ZNF534: variants seen among roughly 807,000 people sequenced by gnomAD.
ZNF534 encodes the protein zinc finger protein 534.
ZNF534 carries 19 observed loss-of-function variants against 13.6 expected under a neutral mutation model. The ratio of observed to expected loss-of-function variants is 1.40; its 90% CI spans 0.97 to 2.05. ZNF534 has a LOEUF of 2.05. Ranked by LOEUF, ZNF534 falls within the 30% of genes most tolerant of loss-of-function variation. The pLI is 0.00. For missense variants in ZNF534, 782 were observed against 796.3 expected, an observed-to-expected ratio of 0.98 and a Z score of 0.22; for synonymous variants, 244 against 273.8, an observed-to-expected ratio of 0.89 and a Z score of 1.07.
chr19:52,432,480 C>T (rs1024418565), intron 2 of ZNF534, among the ~76,000 whole-genome samples: 2 of 152,082 alleles, frequency 1.3e-5, no homozygotes, highest in Non-Finnish European at 2.9e-5. Context: ...AAGATAGGAG[C>T]AGATTATTCT....
At chr19:52,445,839 A>G (rs2059192642), downstream of ZNF534, among the ~76,000 whole-genome samples, 2 of 152,110 alleles carry the variant, frequency 1.3e-5, no homozygotes. Context: ...CTCTGAAAAC[A>G]AGAATTTTTC....
rs1239349858 is a variant in ZNF534 at position 52,442,487 on chromosome 19, G to A, written c.*3041G>A. Among the ~76,000 whole-genome samples, 2 of 152,172 alleles carry A rather than the reference G, an allele frequency of 1.3e-5. No individual in the cohort carries two copies. Among genetic ancestry groups the A allele is most frequent in the Non-Finnish European group, 2.9e-5 (2 of 68,044 alleles). The stretch of plus-strand genomic sequence containing the variant: ...ACTGGCTTGCTCTCAATAAATATGT[G>A]GGTCAAACTCTGTTCATGGCTCTCA... On this transcript the variant is annotated 3_prime_UTR_variant, in exon 5 of 5. Transcript: ENST00000433050.
intron 4 of ZNF534, among the ~76,000 whole-genome samples, chr19:52,450,694 TTTG>T (rs775887521): frequency 0.023 from 791 of 33,958 alleles, 170 homozygotes; most frequent in African/African-American, 0.051. Flanking sequence ...TGTTTTTGTT[TTTG>T]TTTTTTTTTT....
At chr19:52,429,923 A>G (rs929817938) in intron 1 of ZNF534, among the ~76,000 whole-genome samples, 58 of 150,242 alleles carry the variant, frequency 3.9e-4, no homozygotes, top group African/African-American at 1.3e-3. Flanking sequence ...ATCCACTTTT[A>G]TGGTATCTCA....
At position 52,440,776 on chromosome 19, in the gene ZNF534, C is replaced by T. The variant is rs2059167030; in HGVS notation, c.*1330C>T. On this transcript the variant is annotated 3_prime_UTR_variant, in exon 5 of 5. Transcript: ENST00000433050. ...AGCCTGTGTGACAGTGAGATTCTGT[C>T]TCAAAAAAAAAAAAAAGAATTCATA... 2.6e-5 allele frequency among the ~76,000 whole-genome samples: 1 copy of T among 38,530 alleles called. No homozygotes were observed. The highest frequency in any genetic ancestry group is 7.9e-5 in the Non-Finnish European group (1 of 12,608). 25.3% of individuals were successfully genotyped at this position (38,530 alleles called of 152,430 possible). A position where few individuals can be genotyped will look rare whatever the true frequency, so the allele number is the denominator to read the frequency against.
At chr19:52,443,864 T>C (rs577904575), downstream of ZNF534, among the ~76,000 whole-genome samples, 40 of 152,158 alleles carry the variant, frequency 2.6e-4, no homozygotes, top group South Asian at 5.8e-3. Context: ...AGTGCATCCA[T>C]TGTTTCCTGA....
Position 52,440,814 on chromosome 19 carries a change from G to A in ZNF534, c.*1368G>A, listed in dbSNP as rs1444202860. 1.3e-5 allele frequency among the ~76,000 whole-genome samples: 2 copies of A among 150,778 alleles called. No homozygotes were observed. The highest frequency in any genetic ancestry group is 2.1e-4 in the South Asian group (1 of 4,800). ...AAAAGAATTCATACTGGAAGGAAGC[G>A]TTACAAATGTAATGAATGCGGCAGA... On this transcript the variant is annotated 3_prime_UTR_variant, in exon 5 of 5. Coordinates refer to ENST00000433050, the MANE Select transcript of ZNF534 (RefSeq NM_001143938.3).
rs1245223392 is a variant in ZNF534, at chr19:52,438,014, C to A, written c.554C>A (p.Pro185His). 6.2e-7 allele frequency: 1 copy of A among 1,614,072 alleles called. No homozygotes were observed. The highest frequency in any genetic ancestry group is 1.1e-5 in the South Asian group (1 of 91,076). The change falls in exon 5 of 5, where the codon CCT (proline) becomes CAT (histidine). Residue 185 changes from proline to histidine, a missense_variant. Coordinates refer to ENST00000433050, the MANE Select transcript of ZNF534 (RefSeq NM_001143938.3). ...CAGAAAGTACACATTAGGGAAAAGC[C>A]TTATGGATGTAATGAGCATGGGAAA... ...QEQKVHIREK[P>H]YGCNEHGKVF...
chr19:52,433,375 G>A (rs949528613), intron 2 of ZNF534, among the ~76,000 whole-genome samples: 13 of 104,262 alleles, frequency 1.2e-4, no homozygotes, highest in Non-Finnish European at 8.4e-5. Context: ...TCTCTTTTTG[G>A]GGGGGGGAGG....
In ZNF534 at chr19:52,451,400, T is replaced by G. The variant is rs558854457; in HGVS notation, c.485T>G (p.Leu162Arg). The G allele has an allele frequency of 7.6e-4, 588 of 773,406 alleles. 9 individuals are homozygous for G. In the South Asian group the frequency reaches 8.4e-3, roughly 11 times the overall value. 47.9% of individuals were successfully genotyped at this position (773,406 alleles called of 1,614,324 possible). Residue 162 changes from leucine (L) to arginine (R), a missense_variant, in exon 5 of 5, where the codon CTC (leucine) becomes CGC (arginine). By Grantham distance (102) the Leu-to-Arg change is moderately radical. Transcript: ENST00000301085. The stretch of plus-strand genomic sequence containing the variant: ...GCAGAGGGCCGAGGCCACGGGACTC[T>G]CAGGGCCGGGCCCGCCCCTCGGCCG...
chr19:52,438,912 T>C lies in ZNF534; in HGVS notation c.1452T>C (p.His484=), dbSNP rs573300872. ...VFSQNSNLQR[H]RKIHTGEKLY... is the part of the protein sequence containing the mutation. ...GTCAGAATTCAAACCTTCAACGACATAGGAAAATTCATACTGGAGAGAAGC... is the reference window on the plus strand; with the variant it reads ...GTCAGAATTCAAACCTTCAACGACACAGGAAAATTCATACTGGAGAGAAGC... Residue 484 remains histidine, a synonymous_variant, in exon 5 of 5, where the codon CAT becomes CAC. Coordinates refer to ENST00000433050, the MANE Select transcript of ZNF534 (RefSeq NM_001143938.3). 63 of 1,589,064 alleles carry C rather than the reference T, an allele frequency of 4.0e-5. No homozygotes were observed. The highest frequency in any genetic ancestry group is 7.9e-5 in the South Asian group (7 of 88,836).
chr19:52,435,584 G>C (rs1198908304), intron 4 of ZNF534, among the ~76,000 whole-genome samples: 1 of 151,080 alleles, frequency 6.6e-6, no homozygotes, highest in Non-Finnish European at 1.5e-5. Flanking sequence ...GCTGGCTGCA[G>C]CCTCACCTTC....
chr19:52,437,912 G>T lies in ZNF534; in HGVS notation c.452G>T (p.Ser151Ile). 6.2e-7 allele frequency: 1 copy of T among 1,612,916 alleles called. No homozygotes were observed. The highest frequency in any genetic ancestry group is 8.5e-7 in the Non-Finnish European group (1 of 1,179,466). The change falls in exon 5 of 5, where the codon AGT (serine) becomes ATT (isoleucine). Residue 151 changes from serine to isoleucine, a missense_variant. Transcript: ENST00000433050. Reference sequence around the variant, plus strand: ...TCTTCAGTTTCACCAGTTCAAATAAGTTTTTTCAGTGTCAAAACCCATATT... The same window carrying T: ...TCTTCAGTTTCACCAGTTCAAATAATTTTTTTCAGTGTCAAAACCCATATT... ...DNSSVSPVQI[S>I]FFSVKTHIFN...
chr19:52,436,103 A>AT (rs1324479831), intron 4 of ZNF534, among the ~76,000 whole-genome samples: 1 of 150,486 alleles, frequency 6.6e-6, no homozygotes, highest in Non-Finnish European at 1.5e-5. Context: ...TGCCTGGCTA[A>AT]TTTTTTTTGT....
At chr19:52,442,538 T>G (rs970076452), downstream of ZNF534, among the ~76,000 whole-genome samples, 2 of 152,214 alleles carry the variant, frequency 1.3e-5, no homozygotes, top group African/African-American at 2.4e-5. Flanking sequence ...AGTCCCCTGA[T>G]TTTCCACTCC....
exon 5 of ZNF534, chr19:52,451,845 T>A: frequency 1.3e-6 from 1 of 781,524 alleles, no homozygotes; most frequent in South Asian, 1.4e-5. Flanking sequence ...GCACAGCTCA[T>A]TTGTGAACGG....
intron 4 of ZNF534, among the ~76,000 whole-genome samples, chr19:52,436,341 CAA>C (rs1392700176): frequency 2.0e-5 from 3 of 152,144 alleles, no homozygotes; most frequent in African/African-American, 4.8e-5. Context: ...TATTATATGT[CAA>C]GTCTCTTTTT....
At chr19:52,435,499 T>C (rs2059123084) in intron 4 of ZNF534, among the ~76,000 whole-genome samples, 1 of 152,066 alleles carries the variant, frequency 6.6e-6, no homozygotes, top group Non-Finnish European at 1.5e-5. Flanking sequence ...ACAGACATTT[T>C]TCATTTTCTT....
At position 52,438,269 on chromosome 19, in the gene ZNF534, A is replaced by T; in HGVS notation, c.809A>T (p.Tyr270Phe). Residue 270 changes from tyrosine to phenylalanine, a missense_variant, in exon 5 of 5, where the codon TAC becomes TTC. Physicochemically the swap from Tyr to Phe is conservative, Grantham distance 22. Coordinates refer to ENST00000433050, the MANE Select transcript of ZNF534 (RefSeq NM_001143938.3). ...AAAATTCATACTGGACAGAAACCTT[A>T]CAATAACAAAGAATGTGGGAAAGTC... Reference protein sequence around the residue: ...HQKIHTGQKPYNNKECGKVFS... With the variant: ...HQKIHTGQKPFNNKECGKVFS... The T allele has an allele frequency of 6.2e-7, 1 of 1,605,504 alleles. No homozygotes were observed. The highest frequency in any genetic ancestry group is 8.5e-7 in the Non-Finnish European group (1 of 1,173,360).
Sources: gnomAD v4.1 joint callset for allele counts (sites outside exome capture counted in the v4.1 genomes callset) on GRCh38, gnomAD v4.1.1 for gene constraint, MANE v1.5 for transcripts, NCBI Gene and HGNC (gene_info 2026-07-23, HGNC 2026-07-21) for gene names.